The following MAP2 variants were observed in gnomAD, a reference collection of about 807,000 sequenced individuals.
MAP2 encodes the protein microtubule-associated protein 2.
In MAP2, 14 loss-of-function variants were observed where a neutral mutation model predicts 137.6. That is an observed-to-expected ratio of 0.10 (90% CI 0.07 to 0.16). MAP2 has a LOEUF of 0.16. Ranked by LOEUF, MAP2 falls within the 10% of genes least tolerant of loss-of-function variation. The probability of loss-of-function intolerance (pLI) is 1.00; values close to 1 mark genes in which losing one functional copy is unlikely to be tolerated. For synonymous variants in MAP2, 786 were observed against 782.3 expected (o/e 1.00, Z -0.08); for missense variants, 2,088 against 2,191.5 (o/e 0.95, Z 0.94).
At chr2:209,426,297 AAT>A (rs563414600) in intron 1 of MAP2, among the ~76,000 whole-genome samples, 120 of 152,238 alleles carry the variant, frequency 7.9e-4, no homozygotes, top group Non-Finnish European at 1.6e-3. Context: ...GTAATTTAAA[AAT>A]AGAGCTACCT....
intron 13 of MAP2, among the ~76,000 whole-genome samples, chr2:209,717,418 T>C (rs1018785812): frequency 6.6e-6 from 1 of 152,134 alleles, no homozygotes; most frequent in African/African-American, 2.4e-5. Context: ...AGGTCCCTCC[T>C]CCAATTCAAC....
chr2:209,452,222 T>C (rs1305226015), intron 1 of MAP2, among the ~76,000 whole-genome samples: 1 of 152,198 alleles, frequency 6.6e-6, no homozygotes, highest in South Asian at 2.1e-4. Flanking sequence ...ATCTGTGATC[T>C]CTACAAGTAG....
intron 5 of MAP2, 77 bp from the exon 6 acceptor site, chr2:209,678,495 T>C: frequency 1.5e-6 from 1 of 672,054 alleles, no homozygotes; most frequent in Non-Finnish European, 2.5e-6. Flanking sequence ...TAATCCACTA[T>C]ACTGTTTGGT....
chr2:209,597,760 GCCTGGTACTCTCTC>G (rs1278569352), intron 3 of MAP2, among the ~76,000 whole-genome samples: 1 of 151,188 alleles, frequency 6.6e-6, no homozygotes, highest in Non-Finnish European at 1.5e-5. Context: ...TCGTTTTTTG[GCCTGGTACTCTCTC>G]TCTATGCTCC....
intron 1 of MAP2, among the ~76,000 whole-genome samples, chr2:209,432,082 T>G (rs1694440421): frequency 6.6e-6 from 1 of 152,228 alleles, no homozygotes; most frequent in Admixed American, 6.5e-5. Context: ...TGAGTCTGTA[T>G]TTAAACTTGG....
At position 209,693,827 on chromosome 2, in the gene MAP2, G is replaced by A. The variant is rs759077404; in HGVS notation, c.1657G>A (p.Ala553Thr). ...DKDKIEGVGA[A>T]TSAELDMPFY... The stretch of plus-strand genomic sequence containing the variant: ...AGATAAGATTGAAGGAGTTGGAGCT[G>A]CAACATCAGCTGAGCTTGATATGCC... Residue 553 changes from alanine (A) to threonine (T), a missense_variant, in exon 8 of 16, where the codon GCA becomes ACA. By Grantham distance (58) the Ala-to-Thr change is moderately conservative. This residue lies in a region of MAP2 where 859 missense variants were observed against 794.5 expected (regional missense o/e 1.08). Transcript: ENST00000682079. The A allele has an allele frequency of 4.3e-6, 7 of 1,614,004 alleles. No individual in the cohort carries two copies. Among genetic ancestry groups the A allele is most frequent in the South Asian group, 1.1e-5 (1 of 91,040 alleles).
intron 3 of MAP2, among the ~76,000 whole-genome samples, chr2:209,587,159 GAC>G (rs2077972251): frequency 6.6e-6 from 1 of 151,934 alleles, no homozygotes; most frequent in South Asian, 2.1e-4. Flanking sequence ...GATTTCTTTG[GAC>G]TTTAATGTCC....
intron 1 of MAP2, among the ~76,000 whole-genome samples, chr2:209,491,847 G>T (rs1489114080): frequency 1.3e-5 from 2 of 152,076 alleles, no homozygotes; most frequent in African/African-American, 4.8e-5. Flanking sequence ...TGGATTCATA[G>T]CCAACTTATA....
chr2:209,438,270 G>A (rs1263475622), intron 1 of MAP2, among the ~76,000 whole-genome samples: 1 of 151,596 alleles, frequency 6.6e-6, no homozygotes, highest in Non-Finnish European at 1.5e-5. Context: ...GATGTAAATG[G>A]AGTATGAATA....
At chr2:209,725,893 T>C in intron 14 of MAP2, 103 bp downstream of exon 14, 1 of 609,686 alleles carries the variant, frequency 1.6e-6, no homozygotes, top group Non-Finnish European at 2.7e-6. Context: ...GAAGGATGTT[T>C]TAAAATATGG....
rs35242434 is a variant in MAP2 at position 209,610,875 on chromosome 2, A to G, written c.-106-14178A>G. Among the ~76,000 whole-genome samples, 1,348 of 152,296 alleles carry G rather than the reference A, an allele frequency of 8.9e-3. 20 individuals are homozygous for G. Among genetic ancestry groups the G allele is most frequent in the African/African-American group, 0.031 (1,303 of 41,576 alleles). On this transcript the variant is annotated intron_variant, in intron 3 of 15. Coordinates refer to ENST00000682079, the MANE Select transcript of MAP2 (RefSeq NM_001375505.1). ...TTTTGACTTGAGAGCCATTCCTCTC[A>G]GGCACTATATGAATGGGACCCAGGA...
At chr2:209,510,041 AAAGTC>A (rs901105427) in intron 2 of MAP2, among the ~76,000 whole-genome samples, 4 of 151,892 alleles carry the variant, frequency 2.6e-5, no homozygotes, top group Admixed American at 6.6e-5. Flanking sequence ...AAAAAAAAAA[AAAGTC>A]AGAATGAAAT....
rs1253840245 is a variant in MAP2 at position 209,695,301 on chromosome 2, G to A, written c.3131G>A (p.Gly1044Asp). Reference protein sequence around the residue: ...VEQGLDFAVQGQLDVKISDFG... With the variant: ...VEQGLDFAVQDQLDVKISDFG... ...CAAGGTCTGGATTTTGCTGTCCAGG[G>A]TCAACTAGATGTTAAAATTAGTGAC... The change falls in exon 8 of 16, where the codon GGT (glycine) becomes GAT (aspartate). Residue 1044 changes from glycine to aspartate, a missense_variant. Physicochemically the swap from Gly to Asp is moderately conservative, Grantham distance 94. Around this residue, in one of 6 missense-constraint regions of MAP2, gnomAD observed 500 missense variants for 482.9 expected, o/e 1.04. Coordinates refer to ENST00000682079, the MANE Select transcript of MAP2 (RefSeq NM_001375505.1). 6.2e-7 allele frequency: 1 copy of A among 1,614,010 alleles called. No homozygotes were observed. The highest frequency in any genetic ancestry group is 8.5e-7 in the Non-Finnish European group (1 of 1,179,984).
chr2:209,631,894 G>A lies in MAP2; in HGVS notation c.-30+6765G>A, dbSNP rs114996256. On this transcript the variant is annotated intron_variant, in intron 4 of 15. Coordinates refer to ENST00000682079, the MANE Select transcript of MAP2 (RefSeq NM_001375505.1). ...AGCAAGTCCATTTTAATTGGATTAT[G>A]TAAGGTAGTAGACTGAGTTGAGTCA... Among the ~76,000 whole-genome samples the A allele has an allele frequency of 6.1e-3, 936 of 152,302 alleles. 9 individuals carry two copies. Among genetic ancestry groups the A allele is most frequent in the African/African-American group, 0.021 (882 of 41,570 alleles).
In MAP2 at chr2:209,682,246, T is replaced by C. The variant is rs377458208; in HGVS notation, c.454+1419T>C. Among the ~76,000 whole-genome samples the C allele has an allele frequency of 5.9e-5, 9 of 152,238 alleles. No homozygotes were observed. The East Asian group carries it at 1.7e-3, about 29-fold the overall frequency. ...ACACTATAGCCGGTAATCCCAGCAC[T>C]TTGGGAGGCCGAGGCGGGCAGATCA... On this transcript the variant is annotated intron_variant, in intron 7 of 15. Coordinates refer to ENST00000682079, the MANE Select transcript of MAP2 (RefSeq NM_001375505.1).
At chr2:209,563,963 T>C (rs2072794489) in intron 2 of MAP2, among the ~76,000 whole-genome samples, 4 of 152,228 alleles carry the variant, frequency 2.6e-5, no homozygotes, top group Admixed American at 2.6e-4. Flanking sequence ...TTTGTAGATC[T>C]TATTTAAAGC....
chr2:209,623,769 T>C (rs1012149213), intron 3 of MAP2, among the ~76,000 whole-genome samples: 21 of 152,170 alleles, frequency 1.4e-4, no homozygotes, highest in Non-Finnish European at 2.8e-4. Context: ...AAAAAAAAGC[T>C]ATATGCAAAG....
At chr2:209,525,982 T>C (rs1252486156) in intron 2 of MAP2, among the ~76,000 whole-genome samples, 2 of 151,600 alleles carry the variant, frequency 1.3e-5, no homozygotes, top group African/African-American at 2.4e-5. Flanking sequence ...ATTCTGTTTC[T>C]TTTTTTTCTG....
chr2:209,542,916 A>T (rs1182889310), intron 2 of MAP2, among the ~76,000 whole-genome samples: 1 of 152,124 alleles, frequency 6.6e-6, no homozygotes, highest in Admixed American at 6.5e-5. Context: ...TATCATTTGT[A>T]TGTTTTCTGG....
Sources: allele counts gnomAD v4.1 joint callset (sites outside exome capture counted in the v4.1 genomes callset), GRCh38; gene constraint gnomAD v4.1.1; regional missense constraint gnomAD v4.1.1; transcripts MANE v1.5; gene names NCBI Gene and HGNC (gene_info 2026-07-23, HGNC 2026-07-21).